STX8: variants seen among roughly 807,000 people sequenced by gnomAD.
The protein encoded by STX8 is syntaxin 8, also known as syntaxin-8.
Under a neutral mutation model 37.5 loss-of-function variants are expected in STX8, and 23 were observed. That is an observed-to-expected ratio of 0.61 (90% CI 0.44 to 0.87). The LOEUF is 0.87. Ranked by LOEUF, STX8 falls within the 40% of genes least tolerant of loss-of-function variation. The pLI, the probability that STX8 is intolerant of heterozygous loss-of-function variation, is 0.00. For synonymous variants in STX8, 115 were observed against 99.1 expected (o/e 1.16, Z -0.95); for missense variants, 313 against 284.7 (o/e 1.10, Z -0.71).
intron 2 of STX8, among the ~76,000 whole-genome samples, chr17:9,564,624 A>G (rs982569946): frequency 4.6e-5 from 7 of 152,200 alleles, no homozygotes; most frequent in Non-Finnish European, 8.8e-5. Context: ...ACAGAAAATA[A>G]AATACCTAGG....
intron 7 of STX8, among the ~76,000 whole-genome samples, chr17:9,339,853 G>T (rs545312494): frequency 6.6e-6 from 1 of 152,292 alleles, no homozygotes; most frequent in African/African-American, 2.4e-5. Flanking sequence ...CTTTGAAAGC[G>T]CCATGGATAC....
intron 4 of STX8, among the ~76,000 whole-genome samples, chr17:9,528,001 T>C (rs549333269): frequency 6.6e-6 from 1 of 152,358 alleles, no homozygotes; most frequent in South Asian, 2.1e-4. Context: ...AATGCCTGCA[T>C]ATTTATATTG....
intron 7 of STX8, among the ~76,000 whole-genome samples, chr17:9,255,734 G>A (rs1017391883): frequency 6.6e-6 from 1 of 152,096 alleles, no homozygotes; most frequent in African/African-American, 2.4e-5. Flanking sequence ...GCAAACAGGG[G>A]GAGACTTTAA....
chr17:9,562,103 T>TA (rs11439031), intron 2 of STX8, among the ~76,000 whole-genome samples: 129,847 of 147,928 alleles, frequency 0.88, 57,967 homozygotes, highest in East Asian at 0.99. Context: ...CAACTTCATT[T>TA]AAAAAAAAAA....
chr17:9,342,892 G>T (rs371812811), intron 7 of STX8, among the ~76,000 whole-genome samples: 2 of 152,000 alleles, frequency 1.3e-5, no homozygotes, highest in Non-Finnish European at 2.9e-5. Flanking sequence ...GTGGTGGTAC[G>T]TGCCTGTAGT....
intron 6 of STX8, among the ~76,000 whole-genome samples, chr17:9,434,049 G>A (rs1278130070): frequency 2.0e-5 from 3 of 151,998 alleles, no homozygotes; most frequent in Non-Finnish European, 4.4e-5. Flanking sequence ...TATCGCCTAG[G>A]CTGGAGTGCA....
In STX8 at chr17:9,250,584, G is replaced by C; in HGVS notation, c.705C>G (p.Thr235=). Residue 235 remains threonine, a synonymous_variant, in exon 8 of 8, where the codon ACC becomes ACG. Coordinates refer to ENST00000306357, the MANE Select transcript of STX8 (RefSeq NM_004853.3). ...GGTGGTCTCTTTACTGCCATCAGTT[G>C]GTCGGCCAGACTGCAACAACCACGA... The part of the protein sequence containing the change: ...VAIVVVAVWP[T]N The C allele has an allele frequency of 6.3e-7, 1 of 1,593,874 alleles. No individual in the cohort carries two copies. The highest frequency in any genetic ancestry group is 8.5e-7 in the Non-Finnish European group (1 of 1,170,410).
At chr17:9,575,410 A>G (rs1907865240) in intron 1 of STX8, among the ~76,000 whole-genome samples, 1 of 152,152 alleles carries the variant, frequency 6.6e-6, no homozygotes, top group Non-Finnish European at 1.5e-5. Context: ...ACCGGGATGG[A>G]CTGACATGCT....
intron 7 of STX8, among the ~76,000 whole-genome samples, chr17:9,314,395 T>TTTTTG (rs939880585): frequency 6.6e-6 from 1 of 152,108 alleles, no homozygotes. Flanking sequence ...TATATCTGTT[T>TTTTTG]TTTTGTTTTG....
rs546497101 is a variant in STX8 at position 9,250,875 on chromosome 17, C to G, written c.644-230G>C. Among the ~76,000 whole-genome samples the G allele has an allele frequency of 3.3e-5, 5 of 152,050 alleles. No individual in the cohort carries two copies. In the East Asian group the frequency reaches 9.7e-4, roughly 30 times the overall value. ...GGGCCTGGGTGTGGCCAGGCCCCCC[C>G]AGGCAGCACTCAAGCCAGGAGGGGG... On this transcript the variant is annotated intron_variant, in intron 7 of 7. Coordinates refer to ENST00000306357, the MANE Select transcript of STX8 (RefSeq NM_004853.3).
At chr17:9,377,102 G>T (rs1157271996) in intron 7 of STX8, among the ~76,000 whole-genome samples, 4 of 152,018 alleles carry the variant, frequency 2.6e-5, no homozygotes, top group Non-Finnish European at 5.9e-5. Flanking sequence ...TCACCCCATT[G>T]TTCTAGCCTT....
intron 7 of STX8, among the ~76,000 whole-genome samples, chr17:9,322,222 AG>A (rs1909599116): frequency 6.6e-6 from 1 of 152,244 alleles, no homozygotes; most frequent in African/African-American, 2.4e-5. Context: ...CGGTCATCTC[AG>A]GGAATTTCAA....
chr17:9,250,829 G>C (rs1254937637), intron 7 of STX8, among the ~76,000 whole-genome samples, 184 bp from the exon 8 acceptor site: 3 of 152,044 alleles, frequency 2.0e-5, no homozygotes. Flanking sequence ...GGCTTTGCAG[G>C]ATGCTGAGTG....
chr17:9,316,246 G>A (rs1472272898), intron 7 of STX8, among the ~76,000 whole-genome samples: 1 of 151,978 alleles, frequency 6.6e-6, no homozygotes, highest in Non-Finnish European at 1.5e-5. Flanking sequence ...TTAATTTCCT[G>A]GCAGCTGATC....
rs2142443162 is a variant in STX8 at position 9,474,150 on chromosome 17, A to AG, written c.541+17678dup. Among the ~76,000 whole-genome samples, 2 of 151,884 alleles carry AG rather than the reference A, an allele frequency of 1.3e-5. 1 individual carries two copies. Among genetic ancestry groups the AG allele is most frequent in the South Asian group, 4.1e-4 (2 of 4,824 alleles). On this transcript the variant is annotated intron_variant, in intron 6 of 7. Coordinates refer to ENST00000306357, the MANE Select transcript of STX8 (RefSeq NM_004853.3). ...GGGGCAGGAGTTGGGGGACAAGGAG[A>AG]GGGTGATACATGGAGAGGGTGATAC...
intron 7 of STX8, among the ~76,000 whole-genome samples, chr17:9,312,327 G>C (rs2142192845): frequency 6.6e-6 from 1 of 151,944 alleles, no homozygotes; most frequent in East Asian, 1.9e-4. Context: ...TTGGCCTCCT[G>C]AGTAGCTGGG....
intron 2 of STX8, among the ~76,000 whole-genome samples, chr17:9,558,683 C>T (rs372839542): frequency 6.6e-6 from 1 of 152,146 alleles, no homozygotes; most frequent in Non-Finnish European, 1.5e-5. Flanking sequence ...ATTAGCTGGG[C>T]GCGGTGGCGG....
chr17:9,275,195 G>T (rs1304791909), intron 7 of STX8, among the ~76,000 whole-genome samples: 1 of 152,096 alleles, frequency 6.6e-6, no homozygotes, highest in African/African-American at 2.4e-5. Flanking sequence ...GCCTCCCAGG[G>T]CTGAGTGGTT....
At chr17:9,482,692 TC>T (rs1906396103) in intron 6 of STX8, among the ~76,000 whole-genome samples, 1 of 152,110 alleles carries the variant, frequency 6.6e-6, no homozygotes, top group African/African-American at 2.4e-5. Flanking sequence ...AGCAGGCAGA[TC>T]ACCTGAGACC....
Sources: gnomAD v4.1 joint callset for allele counts (sites outside exome capture counted in the v4.1 genomes callset) on GRCh38, gnomAD v4.1.1 for gene constraint, MANE v1.5 for transcripts, NCBI Gene and HGNC (gene_info 2026-07-23, HGNC 2026-07-21) for gene names.